Variants in RASEF observed in about 807,000 individuals in gnomAD.
The protein encoded by RASEF is RAS and EF-hand domain containing, also known as ras and EF-hand domain-containing protein.
Under a neutral mutation model 90.1 loss-of-function variants are expected in RASEF, and 68 were observed. The observed-to-expected ratio is 0.75, with a 90% confidence interval of 0.62 to 0.92. RASEF has a LOEUF of 0.92. Among genes scored for constraint, RASEF ranks in the 40% least tolerant of loss-of-function variants. The pLI is 0.00. For missense variants in RASEF, 949 were observed against 937.2 expected (o/e 1.01, Z -0.16); for synonymous variants, 331 against 345.2 (o/e 0.96, Z 0.46).
At chr9:83,056,831 A>T (rs942653865) in intron 1 of RASEF, among the ~76,000 whole-genome samples, 1 of 152,196 alleles carries the variant, frequency 6.6e-6, no homozygotes, top group African/African-American at 2.4e-5. Flanking sequence ...GGACAGAATA[A>T]ATCATCTTTC....
intron 1 of RASEF, 87 bp from the exon 2 acceptor site, chr9:83,026,008 T>C: frequency 1.0e-6 from 1 of 968,846 alleles, no homozygotes; most frequent in African/African-American, 1.7e-5. Context: ...GAAACATAAA[T>C]GAAGAACTAA....
the RASEF span, among the ~76,000 whole-genome samples, chr9:83,080,099 T>A: frequency 6.6e-6 from 1 of 152,340 alleles, no homozygotes; most frequent in South Asian, 2.1e-4. Context: ...CAGTACCACA[T>A]TTGTGCCCTC....
At chr9:83,161,027 G>T in the RASEF span, among the ~76,000 whole-genome samples, 1 of 152,304 alleles carries the variant, frequency 6.6e-6, no homozygotes, top group East Asian at 1.9e-4. Flanking sequence ...ACAGGCAGAA[G>T]TTTGCTGTAG....
chr9:83,068,410 C>A, the RASEF span, among the ~76,000 whole-genome samples: 18 of 152,308 alleles, frequency 1.2e-4, no homozygotes, highest in East Asian at 1.7e-3. Context: ...CCCCTCCTGG[C>A]TTTGAAGAAG....
chr9:83,005,040 G>A (rs1829103334), intron 8 of RASEF, among the ~76,000 whole-genome samples: 1 of 152,274 alleles, frequency 6.6e-6, no homozygotes, highest in Middle Eastern at 3.4e-3. Context: ...GGTCCTTAAA[G>A]TTCCAAATGA....
At chr9:83,019,595 A>AAAGTATATGCCTCTATAAAGAC (rs1347021379) in intron 3 of RASEF, among the ~76,000 whole-genome samples, 1 of 152,222 alleles carries the variant, frequency 6.6e-6, no homozygotes, top group Non-Finnish European at 1.5e-5. Flanking sequence ...AAGAGGAATA[A>AAAGTATATGCCTCTATAAAGAC]AAGTATATGC....
intron 1 of RASEF, among the ~76,000 whole-genome samples, chr9:83,047,719 A>C (rs1829958659): frequency 6.6e-6 from 1 of 152,216 alleles, no homozygotes; most frequent in Non-Finnish European, 1.5e-5. Context: ...AACATCTAAG[A>C]GCAAACAAGA....
chr9:83,055,511 C>A (rs984519350), intron 1 of RASEF: 4 of 696,430 alleles, frequency 5.7e-6, no homozygotes, highest in East Asian at 2.7e-5. Flanking sequence ...TCTTCTGCGT[C>A]GCTCACGCTG....
At chr9:83,188,347 T>C in the RASEF span, among the ~76,000 whole-genome samples, 2 of 152,328 alleles carry the variant, frequency 1.3e-5, no homozygotes, top group African/African-American at 2.4e-5. Context: ...GACAACAATA[T>C]ATGAACATAT....
chr9:83,036,894 G>T (rs548852300), intron 1 of RASEF, among the ~76,000 whole-genome samples: 2 of 150,078 alleles, frequency 1.3e-5, no homozygotes, highest in South Asian at 2.2e-4. Context: ...TTTTGTTTTT[G>T]TTTTTTTTTA....
Position 83,062,982 on chromosome 9 carries a change from G to T in RASEF, c.-115C>A. ...GAGGCCCGGCGAGTTTGGCTCGTCC[G>T]GCTGGTTCGGCCACTTGAGGGAACG... is the stretch of plus-strand genomic sequence containing the variant. On this transcript the variant is annotated 5_prime_UTR_variant, in exon 1 of 17. Coordinates refer to ENST00000376447, the MANE Select transcript of RASEF (RefSeq NM_152573.4). 1.7e-6 allele frequency: 2 copies of T among 1,155,104 alleles called. No individual in the cohort carries two copies. Among genetic ancestry groups the T allele is most frequent in the Non-Finnish European group, 2.3e-6 (2 of 878,822 alleles). 71.6% of individuals were successfully genotyped at this position (1,155,104 alleles called of 1,614,324 possible). A position where few individuals can be genotyped will look rare whatever the true frequency, so the allele number is the denominator to read the frequency against.
chr9:82,997,320 A>G (rs796970305), intron 13 of RASEF, among the ~76,000 whole-genome samples, 194 bp from the exon 14 acceptor site: 14 of 152,316 alleles, frequency 9.2e-5, no homozygotes, highest in African/African-American at 3.4e-4. Flanking sequence ...AATCTGGGTG[A>G]CCGACTTAGA....
chr9:83,135,179 C>T, the RASEF span, among the ~76,000 whole-genome samples: 1 of 151,986 alleles, frequency 6.6e-6, no homozygotes. Context: ...GGTTGCACAA[C>T]TCTATGAATA....
At chr9:82,993,295 A>G (rs1447213899) in intron 14 of RASEF, among the ~76,000 whole-genome samples, 2 of 152,194 alleles carry the variant, frequency 1.3e-5, no homozygotes, top group African/African-American at 2.4e-5. Context: ...GCTTGCCTCT[A>G]TATAATGCCC....
the RASEF span, among the ~76,000 whole-genome samples, chr9:83,172,728 T>C: frequency 6.6e-6 from 1 of 151,944 alleles, no homozygotes; most frequent in Non-Finnish European, 1.5e-5. Context: ...TCTTAAGAAA[T>C]TGTAGTTATT....
intron 1 of RASEF, among the ~76,000 whole-genome samples, chr9:83,040,616 C>T (rs1829821974): frequency 6.6e-6 from 1 of 152,146 alleles, no homozygotes; most frequent in Non-Finnish European, 1.5e-5. Flanking sequence ...GTGCATTCTA[C>T]TTGTTCATTC....
the RASEF span, among the ~76,000 whole-genome samples, chr9:83,147,392 C>T: frequency 6.6e-6 from 1 of 152,230 alleles, no homozygotes; most frequent in African/African-American, 2.4e-5. Context: ...TAAAATTGTG[C>T]AAAAATTACT....
the RASEF span, among the ~76,000 whole-genome samples, chr9:83,167,861 A>T: frequency 2.6e-5 from 4 of 152,174 alleles, no homozygotes; most frequent in Non-Finnish European, 5.9e-5. Flanking sequence ...CTGCTGAAAG[A>T]TATTCCATTA....
chr9:83,095,608 T>C, the RASEF span, among the ~76,000 whole-genome samples: 2 of 151,922 alleles, frequency 1.3e-5, no homozygotes, highest in African/African-American at 2.4e-5. Context: ...TCGAAGTTTA[T>C]AGAGCAGTTC....
Sources: allele counts gnomAD v4.1 joint callset (sites outside exome capture counted in the v4.1 genomes callset), GRCh38; gene constraint gnomAD v4.1.1; transcripts MANE v1.5; gene names NCBI Gene and HGNC (gene_info 2026-07-23, HGNC 2026-07-21).